The following GLDC variants were observed in gnomAD, a reference collection of about 807,000 sequenced individuals.
GLDC encodes the protein glycine decarboxylase, also known as glycine dehydrogenase (decarboxylating), mitochondrial.
Under a neutral mutation model 121.3 loss-of-function variants are expected in GLDC, and 104 were observed. That is an observed-to-expected ratio of 0.86 (90% CI 0.73 to 1.01). The LOEUF (loss-of-function observed/expected upper bound fraction) is 1.01, where lower values mean the gene tolerates loss of function less well. Among genes scored for constraint, GLDC ranks in the 50% least tolerant of loss-of-function variants. The pLI, the probability that GLDC is intolerant of heterozygous loss-of-function variation, is 0.00. For synonymous variants in GLDC, 546 were observed against 480.6 expected (o/e 1.14, Z -1.78); for missense variants, 1,429 against 1,306.6 (o/e 1.09, Z -1.44).
At chr9:6,587,552 A>T (rs1459983444) in intron 14 of GLDC, among the ~76,000 whole-genome samples, 1 of 152,234 alleles carries the variant, frequency 6.6e-6, no homozygotes, top group Non-Finnish European at 1.5e-5. Context: ...AAAAGCCCCC[A>T]AAACAGATTT....
intron 12 of GLDC, 84 bp downstream of exon 12, chr9:6,589,111 G>A (rs1818325650): frequency 1.2e-6 from 1 of 865,824 alleles, no homozygotes. Context: ...GGCCACAGCA[G>A]GCGAAATCAG....
At chr9:6,632,617 A>G (rs1457663826) in intron 2 of GLDC, among the ~76,000 whole-genome samples, 1 of 152,254 alleles carries the variant, frequency 6.6e-6, no homozygotes, top group Non-Finnish European at 1.5e-5. Flanking sequence ...GACATGAAGA[A>G]TAGAAGTCAC....
At chr9:6,538,379 G>A (rs114816601) in intron 22 of GLDC, among the ~76,000 whole-genome samples, 34 of 152,296 alleles carry the variant, frequency 2.2e-4, no homozygotes, top group African/African-American at 7.9e-4. Flanking sequence ...AAGGCAGTAT[G>A]CCCCAAAATT....
chr9:6,573,864 G>C (rs1412628109), intron 15 of GLDC, among the ~76,000 whole-genome samples: 1 of 152,102 alleles, frequency 6.6e-6, no homozygotes, highest in Admixed American at 6.5e-5. Flanking sequence ...CTATCTACCA[G>C]GTGGAAAAAA....
chr9:6,552,895 A>C (rs1817544116), intron 20 of GLDC, among the ~76,000 whole-genome samples: 1 of 152,104 alleles, frequency 6.6e-6, no homozygotes, highest in Admixed American at 6.5e-5. Flanking sequence ...AAACCAGAGA[A>C]GCAAATTTCT....
intron 21 of GLDC, chr9:6,540,396 A>C (rs1006027474): frequency 8.4e-6 from 4 of 474,644 alleles, no homozygotes; most frequent in African/African-American, 5.9e-5. Context: ...TGTGAACCTG[A>C]TTATGGCTAA....
At chr9:6,540,551 T>C (rs200261792) in intron 21 of GLDC, 10 of 206,094 alleles carry the variant, frequency 4.9e-5, no homozygotes, top group Non-Finnish European at 7.0e-5. Context: ...TCTAGAGCCA[T>C]TGACACTTTT....
At chr9:6,535,731 A>C (rs1414929995) in intron 23 of GLDC, among the ~76,000 whole-genome samples, 3 of 152,314 alleles carry the variant, frequency 2.0e-5, no homozygotes, top group African/African-American at 7.2e-5. Flanking sequence ...TAATATAAGA[A>C]TGTGTGCTTG....
intron 15 of GLDC, among the ~76,000 whole-genome samples, chr9:6,566,867 A>G (rs1344530223): frequency 6.6e-6 from 1 of 152,218 alleles, no homozygotes; most frequent in African/African-American, 2.4e-5. Context: ...AAAAATGTGT[A>G]TGTTCTCCAT....
intron 8 of GLDC, among the ~76,000 whole-genome samples, chr9:6,596,387 C>CA: frequency 6.6e-6 from 1 of 152,004 alleles, no homozygotes. Context: ...AAAGAAGAAC[C>CA]AAAAAAATTA....
At chr9:6,630,209 C>T (rs1394672444) in intron 2 of GLDC, among the ~76,000 whole-genome samples, 1 of 151,832 alleles carries the variant, frequency 6.6e-6, no homozygotes, top group African/African-American at 2.4e-5. Context: ...GCGGAGCTTG[C>T]AGTGAGCCGA....
chr9:6,629,093 T>C (rs1018999002), intron 2 of GLDC, among the ~76,000 whole-genome samples: 2 of 151,734 alleles, frequency 1.3e-5, no homozygotes, highest in Non-Finnish European at 2.9e-5. Context: ...TTTACATCAT[T>C]CCACATAAGA....
In GLDC at chr9:6,605,261, G is replaced by A; in HGVS notation, c.731C>T (p.Thr244Ile). The change falls in exon 6 of 25, where the codon ACT becomes ATT. Residue 244 changes from threonine (T) to isoleucine (I), a missense_variant. Coordinates refer to ENST00000321612, the MANE Select transcript of GLDC (RefSeq NM_000170.3). ...CATTTCACAGGGTAACTTCAGCTCA[G>A]TGAGGACTCCAGTATATCTGGAAAG... ...QTRAKYTGVL[T>I]ELKLPCEMDF... The A allele has an allele frequency of 6.2e-7, 1 of 1,614,000 alleles. No homozygotes were observed. The highest frequency in any genetic ancestry group is 8.5e-7 in the Non-Finnish European group (1 of 1,179,894).
chr9:6,565,982 C>T (rs150240025), intron 15 of GLDC: 184 of 186,968 alleles, frequency 9.8e-4, no homozygotes, highest in African/African-American at 4.3e-3. Flanking sequence ...TGGCTCATGC[C>T]TGTAATCCTA....
At chr9:6,534,271 T>C (rs1554641690) in intron 24 of GLDC, 2 of 179,352 alleles carry the variant, frequency 1.1e-5, no homozygotes, top group African/African-American at 2.3e-5. Flanking sequence ...ATTCTCATTA[T>C]GTTTTTATAC....
intron 2 of GLDC, among the ~76,000 whole-genome samples, chr9:6,644,329 G>A (rs778590862): frequency 6.6e-6 from 1 of 152,108 alleles, no homozygotes; most frequent in African/African-American, 2.4e-5. Flanking sequence ...GAGGGTGCCT[G>A]GGAAGTGGGG....
At chr9:6,536,596 C>T (rs1817134552) in intron 22 of GLDC, among the ~76,000 whole-genome samples, 1 of 152,044 alleles carries the variant, frequency 6.6e-6, no homozygotes, top group Non-Finnish European at 1.5e-5. Context: ...GGACAAAGTA[C>T]TTATATGTGT....
intron 2 of GLDC, among the ~76,000 whole-genome samples, chr9:6,643,507 T>C (rs1274632872): frequency 6.8e-6 from 1 of 146,156 alleles, no homozygotes; most frequent in Non-Finnish European, 1.5e-5. Flanking sequence ...AGTATCTCCA[T>C]GATTGAAAGT....
At chr9:6,613,809 C>T (rs7045613) in intron 3 of GLDC, among the ~76,000 whole-genome samples, 31,428 of 151,958 alleles carry the variant, frequency 0.21, 3,574 homozygotes, top group East Asian at 0.43. Flanking sequence ...TAGAGTCTTG[C>T]TCTGTCACCC....
Sources: gnomAD v4.1 joint callset for allele counts (sites outside exome capture counted in the v4.1 genomes callset) on GRCh38, gnomAD v4.1.1 for gene constraint, MANE v1.5 for transcripts, NCBI Gene and HGNC (gene_info 2026-07-23, HGNC 2026-07-21) for gene names.